TMEM67: variants seen among roughly 807,000 people sequenced by gnomAD.
TMEM67 encodes the protein meckelin.
A neutral mutation model predicts 136.6 loss-of-function variants in TMEM67; 124 were observed. The observed-to-expected ratio is 0.91, with a 90% confidence interval of 0.78 to 1.05. The LOEUF is 1.05. Ranked by LOEUF, TMEM67 falls within the 50% of genes least tolerant of loss-of-function variation. The pLI is 0.00. For synonymous variants in TMEM67, 364 were observed against 390.5 expected (o/e 0.93, Z 0.80); for missense variants, 1,107 against 1,178.4 (o/e 0.94, Z 0.89).
rs747512381 is a variant in TMEM67 at position 93,816,516 on chromosome 8, G to A, written c.*64G>A. On this transcript the variant is annotated 3_prime_UTR_variant, in exon 28 of 28. Coordinates refer to ENST00000453321, the MANE Select transcript of TMEM67 (RefSeq NM_153704.6). Reference sequence around the variant, plus strand: ...GGCCAAAAAAAAGTCATGATATCAGGTTAGTTTGCCATATTTTTTAAAACT... The same window carrying A: ...GGCCAAAAAAAAGTCATGATATCAGATTAGTTTGCCATATTTTTTAAAACT... 1.1e-6 allele frequency: 1 copy of A among 876,210 alleles called. No homozygotes were observed. Among genetic ancestry groups the A allele is most frequent in the East Asian group, 2.4e-5 (1 of 40,986 alleles). 54.3% of individuals were successfully genotyped at this position (876,210 alleles called of 1,614,324 possible).
At chr8:93,757,875 C>T (rs866645666) in intron 2 of TMEM67, among the ~76,000 whole-genome samples, 5 of 151,752 alleles carry the variant, frequency 3.3e-5, no homozygotes, top group Non-Finnish European at 5.9e-5. Flanking sequence ...ATTCTGGTGC[C>T]TCAGCCTCCC....
In TMEM67 at chr8:93,763,898, G is replaced by GT; in HGVS notation, c.463_464insT (p.Gly155ValfsTer3). ...TCAAGCAACTTGTGAGCTCTGTGAT[G>GT]GAAATGAAAACTCTTTTATGGTAGT... On this transcript the variant is annotated frameshift_variant, in exon 4 of 28. Coordinates refer to ENST00000453321, the MANE Select transcript of TMEM67 (RefSeq NM_153704.6). LOFTEE classifies it high-confidence loss of function. 6.2e-7 allele frequency: 1 copy of GT among 1,613,866 alleles called. No individual in the cohort carries two copies. Among genetic ancestry groups the GT allele is most frequent in the Non-Finnish European group, 8.5e-7 (1 of 1,179,846 alleles).
chr8:93,811,931 C>T (rs1167803850), intron 26 of TMEM67, among the ~76,000 whole-genome samples: 1 of 151,586 alleles, frequency 6.6e-6, no homozygotes, highest in African/African-American at 2.4e-5. Context: ...AGGTGGATCA[C>T]CTGAGGTCAG....
intron 23 of TMEM67, among the ~76,000 whole-genome samples, chr8:93,808,626 A>G (rs1808561479): frequency 6.8e-6 from 1 of 148,124 alleles, no homozygotes; most frequent in Non-Finnish European, 1.5e-5. Flanking sequence ...AAGACCTGCA[A>G]GGGAGTATGA....
chr8:93,765,435 A>G lies in TMEM67; in HGVS notation c.536A>G (p.Asn179Ser). Residue 179 changes from asparagine (N) to serine (S), a missense_variant, in exon 5 of 28, where the codon AAT becomes AGT. Physicochemically the swap from Asn to Ser is conservative, Grantham distance 46 (BLOSUM62 1). Transcript: ENST00000453321. ...GTCCGATGTGAGCCAACATTTGTTA[A>G]TACCAGCAGGTCCTGTGCATGTTCA... is the stretch of plus-strand genomic sequence containing the variant. ...RCVRCEPTFVNTSRSCACSEP... is the reference protein window; with the variant it reads ...RCVRCEPTFVSTSRSCACSEP... 6.2e-7 allele frequency: 1 copy of G among 1,611,976 alleles called. No homozygotes were observed. The highest frequency in any genetic ancestry group is 8.5e-7 in the Non-Finnish European group (1 of 1,179,810).
chr8:93,786,227 C>T lies in TMEM67; in HGVS notation c.1293C>T (p.Ser431=). ...QHNKIFVNQD[S]NSGKWLLTRR... The stretch of plus-strand genomic sequence containing the variant: ...TTTTTCTTTTTATAATAAAAGACAG[C>T]AACTCTGGAAAGTGGCTTCTAACTC... The change falls in exon 13 of 28, where the codon AGC becomes AGT. Residue 431 remains serine (S), a synonymous_variant. Transcript: ENST00000453321. The T allele has an allele frequency of 6.2e-7, 1 of 1,613,746 alleles. No homozygotes were observed. Among genetic ancestry groups the T allele is most frequent in the Non-Finnish European group, 8.5e-7 (1 of 1,179,870 alleles).
downstream of TMEM67, among the ~76,000 whole-genome samples, chr8:93,821,022 A>G (rs897180942): frequency 6.6e-6 from 1 of 152,224 alleles, no homozygotes; most frequent in African/African-American, 2.4e-5. Flanking sequence ...TGATCAGTAG[A>G]ATGAAGTCCA....
At chr8:93,800,508 A>T (rs117244345) in intron 21 of TMEM67, among the ~76,000 whole-genome samples, 1 of 152,188 alleles carries the variant, frequency 6.6e-6, no homozygotes, top group Non-Finnish European at 1.5e-5. Context: ...CAATCCCAAC[A>T]TACTATAAGG....
At chr8:93,793,036 G>A (rs932105895) in intron 15 of TMEM67, among the ~76,000 whole-genome samples, 162 bp from the exon 16 acceptor site, 1 of 152,076 alleles carries the variant, frequency 6.6e-6, no homozygotes, top group Non-Finnish European at 1.5e-5. Flanking sequence ...CTCCCAAAGT[G>A]CTGGGATTAC....
At chr8:93,796,191 G>T (rs1212504727) in intron 18 of TMEM67, among the ~76,000 whole-genome samples, 1 of 152,080 alleles carries the variant, frequency 6.6e-6, no homozygotes. Flanking sequence ...TTTTTTCAAA[G>T]AAGCCATGAA....
chr8:93,831,439 T>C, the TMEM67 span, among the ~76,000 whole-genome samples: 2 of 152,064 alleles, frequency 1.3e-5, no homozygotes, highest in South Asian at 2.1e-4. Flanking sequence ...TAAAGAAAAA[T>C]AACAGCTGAC....
rs1813784101 is a variant in TMEM67 at position 93,780,750 on chromosome 8, A to G, written c.869+3A>G. On this transcript the variant is annotated splice_donor_region_variant and intron_variant, in intron 8 of 27. Transcript: ENST00000453321. ...ACTGTTCATTCTATTTCATTTTGGT[A>G]AGGATATTTTGATTGATGAAATGTT... 2 of 1,613,894 alleles carry G rather than the reference A, an allele frequency of 1.2e-6. No homozygotes were observed. The highest frequency in any genetic ancestry group is 1.7e-6 in the Non-Finnish European group (2 of 1,180,004).
Position 93,797,406 on chromosome 8 carries a change from A to G in TMEM67, c.2036A>G (p.Glu679Gly), listed in dbSNP as rs201447168. ...RTYFVANEWNEIQTVRKINSL... is the reference protein window; with the variant it reads ...RTYFVANEWNGIQTVRKINSL... The stretch of plus-strand genomic sequence containing the variant: ...TATTTTGTAGCAAATGAATGGAATG[A>G]AATTCAGACTGTGAGAAAAATTAAT... The change falls in exon 20 of 28, where the codon GAA (glutamate) becomes GGA (glycine). Residue 679 changes from glutamate to glycine, a missense_variant. By Grantham distance (98) the Glu-to-Gly change is moderately conservative (BLOSUM62 -2). Coordinates refer to ENST00000453321, the MANE Select transcript of TMEM67 (RefSeq NM_153704.6). The G allele has an allele frequency of 2.1e-5, 34 of 1,613,906 alleles. No individual in the cohort carries two copies. Among genetic ancestry groups the G allele is most frequent in the Non-Finnish European group, 2.9e-5 (34 of 1,179,898 alleles).
intron 14 of TMEM67, among the ~76,000 whole-genome samples, chr8:93,788,222 T>C (rs955130296): frequency 2.0e-5 from 3 of 152,162 alleles, no homozygotes; most frequent in Non-Finnish European, 4.4e-5. Context: ...TGGGATATGC[T>C]GAGATGTTCA....
At chr8:93,786,713 T>A (rs919184549) in intron 13 of TMEM67, among the ~76,000 whole-genome samples, 13 of 152,226 alleles carry the variant, frequency 8.5e-5, no homozygotes, top group African/African-American at 3.1e-4. Flanking sequence ...GTGGCTTTTG[T>A]TCTAGGTTTA....
Position 93,783,893 on chromosome 8 carries a change from G to T in TMEM67, c.1132-1329G>T, listed in dbSNP as rs577475072. On this transcript the variant is annotated intron_variant, in intron 11 of 27. Coordinates refer to ENST00000453321, the MANE Select transcript of TMEM67 (RefSeq NM_153704.6). ...CCCTATGATTCAATTACCTCCCTCC[G>T]GGTCCTTCCCATGACACATGGGGAT... 2.0e-5 allele frequency among the ~76,000 whole-genome samples: 3 copies of T among 152,248 alleles called. No homozygotes were observed. In the East Asian group the frequency reaches 5.8e-4, roughly 29 times the overall value.
chr8:93,781,223 CA>C (rs1463104041), intron 9 of TMEM67, among the ~76,000 whole-genome samples: 2 of 152,166 alleles, frequency 1.3e-5, no homozygotes, highest in Admixed American at 6.5e-5. Flanking sequence ...TTGGGAAGAG[CA>C]GTTTTCATCA....
chr8:93,803,848 A>T (rs1319268537), intron 22 of TMEM67, among the ~76,000 whole-genome samples, 164 bp downstream of exon 22: 1 of 151,572 alleles, frequency 6.6e-6, no homozygotes, highest in East Asian at 1.9e-4. Flanking sequence ...ACAAGTTAAT[A>T]CTTAAACTGC....
Position 93,755,147 on chromosome 8 carries a change from T to G in TMEM67, c.223+10T>G, listed in dbSNP as rs759862721. On this transcript the variant is annotated intron_variant, in intron 1 of 27. Transcript: ENST00000453321. ...AGGCAAGATGCCCGAGGTAAGACGGTTTGCGGTGGGCCCTGGCAAAAGTAA... is the reference window on the plus strand; with the variant it reads ...AGGCAAGATGCCCGAGGTAAGACGGGTTGCGGTGGGCCCTGGCAAAAGTAA... 2.5e-6 allele frequency: 4 copies of G among 1,613,364 alleles called. No individual in the cohort carries two copies. Among genetic ancestry groups the G allele is most frequent in the African/African-American group, 1.3e-5 (1 of 74,884 alleles).
Sources: allele counts gnomAD v4.1 joint callset (sites outside exome capture counted in the v4.1 genomes callset), GRCh38; gene constraint gnomAD v4.1.1; transcripts MANE v1.5; gene names NCBI Gene and HGNC (gene_info 2026-07-23, HGNC 2026-07-21).